Variants in STAM observed in about 807,000 individuals in gnomAD.
STAM encodes signal transducing adaptor molecule.
In STAM, 16 loss-of-function variants were observed where a neutral mutation model predicts 63.4. That is an observed-to-expected ratio of 0.25 (90% CI 0.17 to 0.38). The LOEUF (loss-of-function observed/expected upper bound fraction) is 0.38, where lower values mean the gene tolerates loss of function less well. Ranked by LOEUF, STAM falls within the 10% of genes least tolerant of loss-of-function variation. The pLI, the probability that STAM is intolerant of heterozygous loss-of-function variation, is 1.00. For synonymous variants in STAM, 238 were observed against 223.9 expected, an observed-to-expected ratio of 1.06 and a Z score of -0.56; for missense variants, 636 against 657.1, an observed-to-expected ratio of 0.97 and a Z score of 0.35.
At chr10:17,690,283 C>T (rs1406820180) in intron 5 of STAM, among the ~76,000 whole-genome samples, 6 of 152,152 alleles carry the variant, frequency 3.9e-5, no homozygotes, top group African/African-American at 1.4e-4. Flanking sequence ...GGAGTGAATG[C>T]TGGCAAGAGC....
At chr10:17,646,294 C>T (rs1833517723) in intron 1 of STAM, among the ~76,000 whole-genome samples, 1 of 152,072 alleles carries the variant, frequency 6.6e-6, no homozygotes, top group African/African-American at 2.4e-5. Context: ...GGCCTTTATC[C>T]ACTAGATGCC....
chr10:17,714,704 C>T lies in STAM; in HGVS notation c.1547C>T (p.Ser516Leu), dbSNP rs1836731485. The change falls in exon 14 of 14, where the codon TCA becomes TTA. Residue 516 changes from serine (S) to leucine (L), a missense_variant. Transcript: ENST00000377524. ...GTGCCAAACTATAACTTAACATCAT[C>T]AACTCTGCCTCAGCCCGGAGGCAGC... ...PQVPNYNLTS[S>L]TLPQPGGSQQ... 1.9e-6 allele frequency: 3 copies of T among 1,614,012 alleles called. No individual in the cohort carries two copies. The highest frequency in any genetic ancestry group is 2.5e-6 in the Non-Finnish European group (3 of 1,180,028).
Position 17,714,872 on chromosome 10 carries a change from G to A in STAM, c.*92G>A. The A allele has an allele frequency of 8.2e-7, 1 of 1,224,498 alleles. No homozygotes were observed. The highest frequency in any genetic ancestry group is 1.2e-6 in the Non-Finnish European group (1 of 837,686). 75.9% of individuals were successfully genotyped at this position (1,224,498 alleles called of 1,614,324 possible). A position where few individuals can be genotyped will look rare whatever the true frequency, so the allele number is the denominator to read the frequency against. On this transcript the variant is annotated 3_prime_UTR_variant, in exon 14 of 14. Coordinates refer to ENST00000377524, the MANE Select transcript of STAM (RefSeq NM_003473.4). ...CTATCTTAAGATGTGTTTATCCTCA[G>A]CTTATAGGAATCTCTCCAGGTCAAC...
rs1004393162 is a variant in STAM, at chr10:17,699,458, G to A, written c.824-733G>A. Among the ~76,000 whole-genome samples, 31 of 152,138 alleles carry A rather than the reference G, an allele frequency of 2.0e-4. 1 individual carries two copies. The highest frequency in any genetic ancestry group is 1.0e-4 in the Non-Finnish European group (7 of 68,016). On this transcript the variant is annotated intron_variant, in intron 8 of 13. Coordinates refer to ENST00000377524, the MANE Select transcript of STAM (RefSeq NM_003473.4). The stretch of plus-strand genomic sequence containing the variant: ...TATATGCCTTTCAGTAGTATTTGGA[G>A]GTTGTTATATAGCTACTGTTATGTT...
chr10:17,702,113 A>C (rs1257048987), intron 9 of STAM, among the ~76,000 whole-genome samples: 2 of 152,218 alleles, frequency 1.3e-5, no homozygotes, highest in Admixed American at 1.3e-4. Context: ...AAAAATAGGA[A>C]TAGAACTGGT....
rs1835362003 is a variant in STAM, at chr10:17,687,955, C to T, written c.298-72C>T. 6 of 1,272,048 alleles carry T rather than the reference C, an allele frequency of 4.7e-6. No homozygotes were observed. In the South Asian group the frequency reaches 1.2e-4, roughly 24 times the overall value. The allele number at this position is 1,272,048 out of a possible 1,614,324, so 78.8% of individuals were successfully genotyped here. On this transcript the variant is annotated intron_variant, in intron 4 of 13. Transcript: ENST00000377524. Reference sequence around the variant, plus strand: ...CAAAAAACATCACTTAATAACTTTACTATTTAAAATGTCTGTATTAAATCA... The same window carrying T: ...CAAAAAACATCACTTAATAACTTTATTATTTAAAATGTCTGTATTAAATCA...
chr10:17,665,333 GT>G (rs1834332355), intron 2 of STAM, among the ~76,000 whole-genome samples: 1 of 152,048 alleles, frequency 6.6e-6, no homozygotes, highest in Non-Finnish European at 1.5e-5. Flanking sequence ...TGGCTCAAAT[GT>G]TAAAACAATT....
intron 13 of STAM, among the ~76,000 whole-genome samples, chr10:17,714,270 G>A (rs1397593908): frequency 6.6e-6 from 1 of 151,848 alleles, no homozygotes; most frequent in African/African-American, 2.4e-5. Flanking sequence ...TCTACCACTA[G>A]AACAGACGCT....
chr10:17,675,393 A>C (rs966485209), intron 2 of STAM, among the ~76,000 whole-genome samples: 3 of 152,032 alleles, frequency 2.0e-5, no homozygotes, highest in African/African-American at 7.2e-5. Flanking sequence ...TATCTCAGCT[A>C]CTTGGAAGGC....
intron 2 of STAM, among the ~76,000 whole-genome samples, chr10:17,682,034 C>G (rs1285304399): frequency 6.6e-6 from 1 of 152,188 alleles, no homozygotes; most frequent in Non-Finnish European, 1.5e-5. Context: ...TGTGATTTAT[C>G]TACAACAAAG....
intron 1 of STAM, among the ~76,000 whole-genome samples, chr10:17,647,955 T>G (rs1450923080): frequency 1.3e-5 from 2 of 152,150 alleles, no homozygotes; most frequent in African/African-American, 4.8e-5. Flanking sequence ...ATTCAAAAAC[T>G]CAATTCTTAG....
At chr10:17,680,938 C>CGGG (rs1835061322) in intron 2 of STAM, among the ~76,000 whole-genome samples, 1 of 152,324 alleles carries the variant, frequency 6.6e-6, no homozygotes, top group Admixed American at 6.5e-5. Context: ...GGGTATACCA[C>CGGG]TATCTCCTCC....
At chr10:17,690,855 G>T (rs1222593231) in intron 5 of STAM, among the ~76,000 whole-genome samples, 1 of 152,168 alleles carries the variant, frequency 6.6e-6, no homozygotes, top group African/African-American at 2.4e-5. Flanking sequence ...ACCGTAGTTG[G>T]CTGCTTAATA....
chr10:17,696,079 C>G (rs1554827428), intron 7 of STAM: 2 of 152,092 alleles, frequency 1.3e-5, no homozygotes, highest in East Asian at 3.8e-4. Context: ...TTCCAAAGTC[C>G]CCACCTTCTG....
At chr10:17,686,019 C>T (rs1835278868) in intron 4 of STAM, among the ~76,000 whole-genome samples, 1 of 152,056 alleles carries the variant, frequency 6.6e-6, no homozygotes, top group Non-Finnish European at 1.5e-5. Flanking sequence ...TTCCAGGTTA[C>T]AGTAGAAAAA....
intron 5 of STAM, among the ~76,000 whole-genome samples, chr10:17,691,780 C>T (rs1835546842): frequency 6.6e-6 from 1 of 152,134 alleles, no homozygotes; most frequent in Non-Finnish European, 1.5e-5. Context: ...GTTCTAAGTG[C>T]TGTACATGTG....
At chr10:17,687,541 A>G (rs538412581) in intron 4 of STAM, among the ~76,000 whole-genome samples, 8 of 152,328 alleles carry the variant, frequency 5.3e-5, no homozygotes, top group African/African-American at 1.7e-4. Flanking sequence ...AAGTTATGTT[A>G]TTTTGAAGAA....
At chr10:17,644,776 A>G (rs1833455614) in intron 1 of STAM, among the ~76,000 whole-genome samples, 1 of 152,226 alleles carries the variant, frequency 6.6e-6, no homozygotes, top group Admixed American at 6.5e-5. Context: ...AGACAAATAA[A>G]TGTTGAGCGT....
At chr10:17,699,548 G>T (rs1032097723) in intron 8 of STAM, among the ~76,000 whole-genome samples, 1 of 152,276 alleles carries the variant, frequency 6.6e-6, no homozygotes, top group East Asian at 1.9e-4. Context: ...ATGAATTGTT[G>T]ATCCCTCAAT....
Sources: gnomAD v4.1 joint callset for allele counts (sites outside exome capture counted in the v4.1 genomes callset) on GRCh38, gnomAD v4.1.1 for gene constraint, MANE v1.5 for transcripts, NCBI Gene and HGNC (gene_info 2026-07-23, HGNC 2026-07-21) for gene names.